Variants in BAZ1B observed in about 807,000 individuals in gnomAD.
BAZ1B encodes the protein bromodomain adjacent to zinc finger domain 1B, also known as tyrosine-protein kinase BAZ1B.
In BAZ1B, 22 loss-of-function variants were observed where a neutral mutation model predicts 153.8. That is an observed-to-expected ratio of 0.14 (90% CI 0.10 to 0.20). The LOEUF (loss-of-function observed/expected upper bound fraction) is 0.20. Among genes scored for constraint, BAZ1B ranks in the 10% least tolerant of loss-of-function variants. The pLI is 1.00. For synonymous variants in BAZ1B, 676 were observed against 633.4 expected (o/e 1.07, Z -1.01); for missense variants, 1,325 against 1,799.3 (o/e 0.74, Z 4.77).
intron 13 of BAZ1B, among the ~76,000 whole-genome samples, chr7:73,454,412 T>C (rs1462398455): frequency 6.6e-6 from 1 of 152,212 alleles, no homozygotes; most frequent in Admixed American, 6.5e-5. Context: ...GAATTAAATC[T>C]TTATCTAAAC....
chr7:73,449,273 C>CAG (rs1242964567), intron 15 of BAZ1B, among the ~76,000 whole-genome samples: 2 of 152,028 alleles, frequency 1.3e-5, no homozygotes, highest in African/African-American at 4.8e-5. Context: ...AGGCTAAAGG[C>CAG]AGAGAGAGAG....
chr7:73,508,515 A>G (rs782092855), intron 2 of BAZ1B, 44 bp from the exon 3 acceptor site: 3 of 1,549,106 alleles, frequency 1.9e-6, no homozygotes. Flanking sequence ...AGAAACACCT[A>G]CCCAGAGATT....
intron 13 of BAZ1B, among the ~76,000 whole-genome samples, chr7:73,453,061 G>A (rs1788074892): frequency 6.6e-6 from 1 of 152,220 alleles, no homozygotes; most frequent in South Asian, 2.1e-4. Context: ...TAAGGAAGCT[G>A]AATCCTAGAT....
intron 11 of BAZ1B, among the ~76,000 whole-genome samples, chr7:73,463,801 G>C (rs911081686): frequency 2.1e-4 from 32 of 151,914 alleles, no homozygotes; most frequent in African/African-American, 7.5e-4. Flanking sequence ...TCCACCTCCC[G>C]GGTTCAAGCA....
rs572469264 is a variant in BAZ1B at position 73,450,052 on chromosome 7, CTTTT to C, written c.3581-367_3581-364del. Among the ~76,000 whole-genome samples the C allele has an allele frequency of 5.5e-5, 8 of 146,024 alleles. No individual in the cohort carries two copies. The highest frequency in any genetic ancestry group is 2.0e-4 in the African/African-American group (8 of 39,964). ...TGCCTGATGAGTGTTCTCTCTCTCT[CTTTT>C]TTTTTTTTGGAGACAGAGTCTTGCT... On this transcript the variant is annotated intron_variant, in intron 14 of 19. Coordinates refer to ENST00000339594, the MANE Select transcript of BAZ1B (RefSeq NM_032408.4). This position sits in a 1 kb window ranked among gnomAD's most constrained non-coding sequence, Gnocchi z 4.1.
At chr7:73,492,942 T>C (rs1554575757) in intron 4 of BAZ1B, 21 bp from the exon 5 acceptor site, 4 of 1,572,676 alleles carry the variant, frequency 2.5e-6, no homozygotes, top group South Asian at 2.4e-5. Flanking sequence ...CATAGAAAAT[T>C]AGTGAAAAAC....
chr7:73,450,706 T>C lies in BAZ1B; in HGVS notation c.3580+141A>G. ...GCACGACATTTCAAAGACTGGCATGTTACAGACCTGCAGGAGAGTAAAATC... is the reference window on the plus strand; with the variant it reads ...GCACGACATTTCAAAGACTGGCATGCTACAGACCTGCAGGAGAGTAAAATC... On this transcript the variant is annotated intron_variant, in intron 14 of 19. Transcript: ENST00000339594. The surrounding 1 kb of genome is among the most constrained non-coding windows in gnomAD (Gnocchi z 4.1). 2 of 953,764 alleles carry C rather than the reference T, an allele frequency of 2.1e-6. No homozygotes were observed. Among genetic ancestry groups the C allele is most frequent in the Non-Finnish European group, 3.1e-6 (2 of 646,600 alleles). The allele number at this position is 953,764 out of a possible 1,614,324, so 59.1% of individuals were successfully genotyped here.
At chr7:73,513,493 G>A (rs1045677244) in intron 1 of BAZ1B, among the ~76,000 whole-genome samples, 3 of 152,240 alleles carry the variant, frequency 2.0e-5, no homozygotes, top group East Asian at 3.9e-4. Flanking sequence ...GTAAAAACCT[G>A]AGTCAGACTT....
chr7:73,456,704 G>A (rs1322205003), intron 13 of BAZ1B, among the ~76,000 whole-genome samples: 4 of 151,964 alleles, frequency 2.6e-5, no homozygotes, highest in African/African-American at 7.3e-5. Flanking sequence ...CACTCTGGGA[G>A]GCCATGGCCG....
At position 73,506,787 on chromosome 7, in the gene BAZ1B, G is replaced by A. The variant is rs868979808; in HGVS notation, c.369+1540C>T. On this transcript the variant is annotated intron_variant, in intron 3 of 19. Coordinates refer to ENST00000339594, the MANE Select transcript of BAZ1B (RefSeq NM_032408.4). ...AATCACTTGAACCAGGGAGGCGGAGGTTGCAGTGAGCCGAGATCACGCCAT... is the reference window on the plus strand; with the variant it reads ...AATCACTTGAACCAGGGAGGCGGAGATTGCAGTGAGCCGAGATCACGCCAT... 8.6e-4 allele frequency among the ~76,000 whole-genome samples: 119 copies of A among 139,112 alleles called. 2 individuals are homozygous for A. The highest frequency in any genetic ancestry group is 8.8e-3 in the Middle Eastern group (2 of 226). 91.3% of individuals were successfully genotyped at this position (139,112 alleles called of 152,430 possible). A position where few individuals can be genotyped will look rare whatever the true frequency, so the allele number is the denominator to read the frequency against.
intron 13 of BAZ1B, among the ~76,000 whole-genome samples, chr7:73,457,327 G>A (rs926141534): frequency 3.9e-5 from 6 of 151,954 alleles, no homozygotes; most frequent in Non-Finnish European, 5.9e-5. Flanking sequence ...ACAGGTGTGC[G>A]CCACCACGCC....
chr7:73,442,463 A>C lies in BAZ1B; in HGVS notation c.4185T>G (p.Cys1395Trp), dbSNP rs1583879195. ...DFQTVQNKCSCGSYRSVQEFL... is the reference protein window; with the variant it reads ...DFQTVQNKCSWGSYRSVQEFL... The stretch of plus-strand genomic sequence containing the variant: ...ACTCCTGCACAGAGCGGTAGCTCCC[A>C]CAGGAACATTTGTTCTGCACTGTCT... Residue 1395 changes from cysteine to tryptophan, a missense_variant, in exon 19 of 20, where the codon TGT (cysteine) becomes TGG (tryptophan). Physicochemically the swap from Cys to Trp is radical, Grantham distance 215. Coordinates refer to ENST00000339594, the MANE Select transcript of BAZ1B (RefSeq NM_032408.4). 3 of 1,614,230 alleles carry C rather than the reference A, an allele frequency of 1.9e-6. No individual in the cohort carries two copies. The South Asian group carries it at 3.3e-5, about 18-fold the overall frequency.
At chr7:73,445,949 G>A (rs1554566521) in intron 16 of BAZ1B, among the ~76,000 whole-genome samples, 1 of 152,194 alleles carries the variant, frequency 6.6e-6, no homozygotes, top group African/African-American at 2.4e-5. Context: ...CCTGAATGCA[G>A]GACTGATGGG....
chr7:73,453,020 A>G (rs1788073235), intron 13 of BAZ1B, among the ~76,000 whole-genome samples: 1 of 152,252 alleles, frequency 6.6e-6, no homozygotes, highest in Non-Finnish European at 1.5e-5. Context: ...TATTACAAAA[A>G]GAGATTTGAG....
At chr7:73,466,060 T>G (rs879960972) in intron 10 of BAZ1B, among the ~76,000 whole-genome samples, 10 of 152,174 alleles carry the variant, frequency 6.6e-5, no homozygotes, top group Admixed American at 5.2e-4. Flanking sequence ...TCACATAATA[T>G]ACAAAGTTAT....
At chr7:73,489,606 G>A (rs1171271100) in intron 5 of BAZ1B, among the ~76,000 whole-genome samples, 1 of 152,174 alleles carries the variant, frequency 6.6e-6, no homozygotes, top group Admixed American at 6.5e-5. Flanking sequence ...TTTGAGGCCA[G>A]GAGTTACAGA....
intron 13 of BAZ1B, among the ~76,000 whole-genome samples, chr7:73,457,913 C>A (rs533093346): frequency 6.6e-6 from 1 of 152,194 alleles, no homozygotes; most frequent in Non-Finnish European, 1.5e-5. Flanking sequence ...GAAAGCCCCA[C>A]GTACCCCTGC....
chr7:73,455,205 C>T (rs1163657635), intron 13 of BAZ1B, among the ~76,000 whole-genome samples: 1 of 151,888 alleles, frequency 6.6e-6, no homozygotes, highest in African/African-American at 2.4e-5. Flanking sequence ...GGCTTTTTTA[C>T]TCATCTCTAT....
chr7:73,505,558 G>A (rs1790303875), intron 3 of BAZ1B, among the ~76,000 whole-genome samples: 1 of 151,930 alleles, frequency 6.6e-6, no homozygotes, highest in African/African-American at 2.4e-5. Flanking sequence ...TAGACCTTCT[G>A]AACTCTCAAG....
Sources: allele counts gnomAD v4.1 joint callset (sites outside exome capture counted in the v4.1 genomes callset), GRCh38; gene constraint gnomAD v4.1.1; non-coding constraint Gnocchi (gnomAD v3.1); transcripts MANE v1.5; gene names NCBI Gene and HGNC (gene_info 2026-07-23, HGNC 2026-07-21).